The following SRR variants were observed in gnomAD, a reference collection of about 807,000 sequenced individuals.
SRR encodes the protein D-serine ammonia-lyase.
In SRR, 19 loss-of-function variants were observed where a neutral mutation model predicts 32.7. The observed-to-expected ratio is 0.58, with a 90% CI of 0.40 to 0.85. The LOEUF is 0.85. Ranked by LOEUF, SRR falls within the 40% of genes least tolerant of loss-of-function variation. SRR has a pLI of 0.00. For synonymous variants in SRR, 142 were observed against 140.9 expected, an observed-to-expected ratio of 1.01 and a Z score of -0.06; for missense variants, 373 against 404.7, an observed-to-expected ratio of 0.92 and a Z score of 0.67.
chr17:2,310,175 G>C (rs1019527652), intron 1 of SRR, among the ~76,000 whole-genome samples: 4 of 152,144 alleles, frequency 2.6e-5, no homozygotes, highest in African/African-American at 9.7e-5. Flanking sequence ...TTGCAACTAA[G>C]AGGACTAACT....
At chr17:2,321,937 C>T (rs1054235171) in intron 6 of SRR, among the ~76,000 whole-genome samples, 1 of 152,146 alleles carries the variant, frequency 6.6e-6, no homozygotes, top group African/African-American at 2.4e-5. Flanking sequence ...GCCACCACAC[C>T]CCGCTAATTT....
Position 2,318,867 on chromosome 17 carries a change from T to C in SRR, c.337T>C (p.Cys113Arg). 2 of 1,613,934 alleles carry C rather than the reference T, an allele frequency of 1.2e-6. No individual in the cohort carries two copies. The highest frequency in any genetic ancestry group is 8.5e-7 in the Non-Finnish European group (1 of 1,179,914). ...YIVVPQTAPDCKKLAIQAYGA... is the reference protein window; with the variant it reads ...YIVVPQTAPDRKKLAIQAYGA... ...TGTGGTGCCCCAGACAGCTCCAGAC[T>C]GTAAAAAACTTGCAATACAAGCCTA... The change falls in exon 4 of 8, where the codon TGT becomes CGT. Residue 113 changes from cysteine to arginine, a missense_variant. Cys to Arg is a radical substitution (Grantham distance 180). Transcript: ENST00000344595.
rs1384309563 is a variant in SRR, at chr17:2,324,247, G to T, written c.*374G>T. ...TTGAAGAAATCTCACTTTTCAGCCA[G>T]GGTACTGGTTCTGGTACATATGGAT... On this transcript the variant is annotated 3_prime_UTR_variant, in exon 8 of 8. Coordinates refer to ENST00000344595, the MANE Select transcript of SRR (RefSeq NM_021947.3). The T allele has an allele frequency of 6.5e-7, 1 of 1,534,186 alleles. No individual in the cohort carries two copies. The highest frequency in any genetic ancestry group is 8.7e-7 in the Non-Finnish European group (1 of 1,147,022).
rs1318178663 is a variant in SRR, at chr17:2,307,281, C to T, written c.-5+3264C>T. 3.0e-5 allele frequency: 34 copies of T among 1,144,352 alleles called. No individual in the cohort carries two copies. The Admixed American group carries it at 5.4e-4, about 18-fold the overall frequency. 70.9% of individuals were successfully genotyped at this position (1,144,352 alleles called of 1,614,324 possible). ...AATACCATACTGTGAATGGCCACAA[C>T]TGTGAAATTAGGAAAGGCCTGTCAA... is the stretch of plus-strand genomic sequence containing the variant. On this transcript the variant is annotated intron_variant, in intron 1 of 7. Coordinates refer to ENST00000344595, the MANE Select transcript of SRR (RefSeq NM_021947.3).
At chr17:2,320,070 G>A (rs1044471273) in intron 4 of SRR, among the ~76,000 whole-genome samples, 5 of 151,400 alleles carry the variant, frequency 3.3e-5, no homozygotes, top group South Asian at 2.1e-4. Flanking sequence ...CACCCACCTC[G>A]GCCTCCCAAA....
intron 1 of SRR, chr17:2,306,951 T>C (rs2075395683): frequency 1.7e-6 from 2 of 1,170,992 alleles, no homozygotes; most frequent in Non-Finnish European, 2.5e-6. Flanking sequence ...CATATGCCAC[T>C]GAGGAGGAGG....
chr17:2,308,695 C>T (rs1433429902), intron 1 of SRR, among the ~76,000 whole-genome samples: 1 of 152,110 alleles, frequency 6.6e-6, no homozygotes, highest in African/African-American at 2.4e-5. Flanking sequence ...GTGGCACGCT[C>T]CTGTAATCTC....
intron 4 of SRR, among the ~76,000 whole-genome samples, chr17:2,320,603 C>T (rs980466701): frequency 6.6e-6 from 1 of 151,732 alleles, no homozygotes; most frequent in Non-Finnish European, 1.5e-5. Context: ...TCTGTCCAAC[C>T]CAGGCTGGAG....
chr17:2,315,240 C>CAA lies in SRR; in HGVS notation c.-4-299_-4-298dup, dbSNP rs397856755. ...TGGGCTACAGAGCGAGACTCCGTCTCAAAAAAAAAAAAAAAAAAAGGAAGA... is the reference window on the plus strand; with the variant it reads ...TGGGCTACAGAGCGAGACTCCGTCTCAAAAAAAAAAAAAAAAAAAAAGGAAGA... On this transcript the variant is annotated intron_variant, in intron 1 of 7. Transcript: ENST00000344595. The CAA allele has an allele frequency of 5.9e-3, 362 of 61,184 alleles. 1 individual carries two copies. The highest frequency in any genetic ancestry group is 1.0e-2 in the Admixed American group (54 of 5,402). The allele number at this position is 61,184 out of a possible 1,614,324, so 3.8% of individuals were successfully genotyped here.
chr17:2,321,881 G>T (rs976198357), intron 6 of SRR, among the ~76,000 whole-genome samples: 1 of 152,194 alleles, frequency 6.6e-6, no homozygotes, highest in Admixed American at 6.5e-5. Context: ...GGGTTCAAGC[G>T]ATTCTCCTGT....
intron 1 of SRR, among the ~76,000 whole-genome samples, chr17:2,306,143 C>T (rs1305478750): frequency 6.6e-6 from 1 of 151,096 alleles, no homozygotes; most frequent in East Asian, 2.0e-4. Context: ...GATGAAACCC[C>T]ATCTCTACTA....
Position 2,315,549 on chromosome 17 carries a change from G to T in SRR, c.-4-8G>T. The T allele has an allele frequency of 6.3e-7, 1 of 1,599,998 alleles. No individual in the cohort carries two copies. The highest frequency in any genetic ancestry group is 8.5e-7 in the Non-Finnish European group (1 of 1,174,418). On this transcript the variant is annotated splice_polypyrimidine_tract_variant and splice_region_variant and intron_variant, in intron 1 of 7. Transcript: ENST00000344595. ...TGCTTTGACCCCTTTCTTATTCCTGGGTTTCAGAACCATGTGTGCTCAGTA... is the reference window on the plus strand; with the variant it reads ...TGCTTTGACCCCTTTCTTATTCCTGTGTTTCAGAACCATGTGTGCTCAGTA...
intron 1 of SRR, among the ~76,000 whole-genome samples, chr17:2,310,404 T>C (rs1597259600): frequency 6.6e-6 from 1 of 151,952 alleles, no homozygotes; most frequent in East Asian, 1.9e-4. Context: ...TTGGTAGAGA[T>C]AGGGTTTCAA....
At chr17:2,317,229 A>AT (rs1160281332) in intron 2 of SRR, among the ~76,000 whole-genome samples, 1 of 121,504 alleles carries the variant, frequency 8.2e-6, no homozygotes, top group African/African-American at 3.1e-5. Context: ...AAAAAAAAAA[A>AT]GGCCGGGTGC....
chr17:2,312,582 A>C (rs2075441012), intron 1 of SRR, among the ~76,000 whole-genome samples: 1 of 152,284 alleles, frequency 6.6e-6, no homozygotes, highest in South Asian at 2.1e-4. Flanking sequence ...GCAACAGAGC[A>C]AGACTCCGTC....
At chr17:2,303,428 G>C, upstream of SRR, 1 of 1,262,826 alleles carries the variant, frequency 7.9e-7, no homozygotes, top group Non-Finnish European at 1.0e-6. Context: ...GGCTCTCCCG[G>C]AGCTGGCCAG....
Position 2,315,695 on chromosome 17 carries a change from A to G in SRR, c.135A>G (p.Lys45=). 1 of 1,614,096 alleles carries G rather than the reference A, an allele frequency of 6.2e-7. No individual in the cohort carries two copies. Among genetic ancestry groups the G allele is most frequent in the Admixed American group, 1.7e-5 (1 of 60,004 alleles). The change falls in exon 2 of 8, where the codon AAA becomes AAG. Residue 45 remains lysine (K), a synonymous_variant. Coordinates refer to ENST00000344595, the MANE Select transcript of SRR (RefSeq NM_021947.3). The part of the protein sequence containing the change: ...NQLTGRNLFF[K]CELFQKTGSF... ...TAACAGGGCGCAATCTTTTCTTCAAATGTGAACTCTTCCAGAAAACAGGAT... is the reference window on the plus strand; with the variant it reads ...TAACAGGGCGCAATCTTTTCTTCAAGTGTGAACTCTTCCAGAAAACAGGAT...
chr17:2,316,645 G>A (rs140221780), intron 2 of SRR, among the ~76,000 whole-genome samples: 51 of 152,198 alleles, frequency 3.4e-4, no homozygotes, highest in Non-Finnish European at 6.0e-4. Flanking sequence ...GGGAGGCTGA[G>A]GCAGGTGGAT....
intron 2 of SRR, among the ~76,000 whole-genome samples, chr17:2,317,370 G>C (rs1046501029): frequency 2.6e-5 from 4 of 152,016 alleles, no homozygotes; most frequent in Non-Finnish European, 4.4e-5. Context: ...AAATTAGCCG[G>C]GCGTGGTGGC....
Sources: gnomAD v4.1 joint callset for allele counts (sites outside exome capture counted in the v4.1 genomes callset) on GRCh38, gnomAD v4.1.1 for gene constraint, MANE v1.5 for transcripts, NCBI Gene and HGNC (gene_info 2026-07-23, HGNC 2026-07-21) for gene names.